CALN1: variants seen among roughly 807,000 people sequenced by gnomAD.
CALN1 encodes the protein calneuron 1.
CALN1 carries 17 observed loss-of-function variants against 30.6 expected under a neutral mutation model. The ratio of observed to expected loss-of-function variants is 0.56; its 90% confidence interval spans 0.38 to 0.83. CALN1 has a LOEUF of 0.83. Among genes scored for constraint, CALN1 ranks in the 40% least tolerant of loss-of-function variants. The pLI is 0.00. For missense variants in CALN1, 291 were observed against 354.9 expected, an observed-to-expected ratio of 0.82 and a Z score of 1.45; for synonymous variants, 156 against 131.4, an observed-to-expected ratio of 1.19 and a Z score of -1.28.
chr7:72,087,939 GA>G (rs1434075778), intron 4 of CALN1, among the ~76,000 whole-genome samples: 2 of 152,136 alleles, frequency 1.3e-5, no homozygotes, highest in Non-Finnish European at 2.9e-5. Context: ...GAGACAGGAG[GA>G]TCACTTGAAA....
At chr7:72,221,978 C>A (rs1287693573) in intron 3 of CALN1, among the ~76,000 whole-genome samples, 1 of 151,774 alleles carries the variant, frequency 6.6e-6, no homozygotes, top group East Asian at 1.9e-4. Context: ...GTAATCCCAG[C>A]ACTTTGGGAG....
intron 5 of CALN1, among the ~76,000 whole-genome samples, chr7:71,840,915 G>A (rs1789902512): frequency 6.6e-6 from 1 of 151,638 alleles, no homozygotes; most frequent in Non-Finnish European, 1.5e-5. Flanking sequence ...ATGTGGGTGT[G>A]TGTTTTAAGA....
intron 4 of CALN1, among the ~76,000 whole-genome samples, chr7:72,081,417 G>GTGTGTGTGTGTGTGTGTGTGTGTGTC (rs145997789): frequency 0.15 from 22,180 of 146,092 alleles, 2,224 homozygotes; most frequent in East Asian, 0.54. Context: ...GTGTGTGTGT[G>GTGTGTGTGTGTGTGTGTGTGTGTGTC]TGTGTGTTTG....
chr7:71,803,568 G>C (rs1366301370), intron 6 of CALN1, among the ~76,000 whole-genome samples: 1 of 152,024 alleles, frequency 6.6e-6, no homozygotes, highest in Non-Finnish European at 1.5e-5. Context: ...TCTGCCTCCC[G>C]GGTTCAAGTG....
chr7:72,355,356 T>C (rs1803163500), intron 2 of CALN1, among the ~76,000 whole-genome samples: 1 of 151,242 alleles, frequency 6.6e-6, no homozygotes, highest in South Asian at 2.1e-4. Context: ...TGAAAACCCA[T>C]CTCTACTAAA....
intron 3 of CALN1, among the ~76,000 whole-genome samples, chr7:72,136,285 T>C (rs189063512): frequency 1.3e-5 from 2 of 152,300 alleles, no homozygotes; most frequent in African/African-American, 4.8e-5. Flanking sequence ...TGAGCACTTG[T>C]TGCTTCACCT....
At chr7:72,021,853 T>C (rs1800727300) in intron 5 of CALN1, among the ~76,000 whole-genome samples, 1 of 152,184 alleles carries the variant, frequency 6.6e-6, no homozygotes, top group South Asian at 2.1e-4. Flanking sequence ...ACCCTCACCT[T>C]CTACTCAGCA....
intron 3 of CALN1, among the ~76,000 whole-genome samples, chr7:72,118,377 G>A (rs1246957173): frequency 6.6e-6 from 1 of 152,158 alleles, no homozygotes; most frequent in East Asian, 1.9e-4. Flanking sequence ...AACTTTATGA[G>A]GTGGTGAAAT....
chr7:72,350,270 AATCCACTGGGTAT>A (rs1261529219), intron 2 of CALN1, among the ~76,000 whole-genome samples: 4 of 152,188 alleles, frequency 2.6e-5, no homozygotes, highest in African/African-American at 9.6e-5. Context: ...TTCACCCAGC[AATCCACTGGGTAT>A]ATACCCAAAG....
intron 5 of CALN1, among the ~76,000 whole-genome samples, chr7:71,989,440 TA>T (rs5884868): frequency 0.24 from 32,176 of 134,756 alleles, 5,714 homozygotes; most frequent in East Asian, 0.59. Context: ...TTCCATCTAT[TA>T]AAAAAAAAAA....
intron 3 of CALN1, among the ~76,000 whole-genome samples, chr7:72,187,679 G>A (rs945229395): frequency 1.1e-4 from 16 of 152,104 alleles, no homozygotes; most frequent in African/African-American, 3.9e-4. Context: ...GGAGACTGCT[G>A]GTCTAGGTGA....
At chr7:71,971,991 AAGAG>A (rs796462519) in intron 5 of CALN1, among the ~76,000 whole-genome samples, 1 of 129,016 alleles carries the variant, frequency 7.8e-6, no homozygotes, top group Non-Finnish European at 1.6e-5. Flanking sequence ...GAAAGAAAGA[AAGAG>A]AAAGAAAGAA....
intron 1 of CALN1, among the ~76,000 whole-genome samples, chr7:72,406,063 T>C (rs1019415013): frequency 1.3e-5 from 2 of 152,192 alleles, no homozygotes; most frequent in Non-Finnish European, 2.9e-5. Context: ...GCTGCTCAGC[T>C]GGCTCTGGTG....
chr7:72,046,709 T>TTAA (rs1304045966), intron 4 of CALN1, among the ~76,000 whole-genome samples: 1 of 51,844 alleles, frequency 1.9e-5, no homozygotes, highest in African/African-American at 6.7e-5. Flanking sequence ...GACTCCCTCT[T>TTAA]AAAAAAAAAA....
intron 5 of CALN1, among the ~76,000 whole-genome samples, chr7:71,855,637 G>T (rs1244934846): frequency 6.6e-6 from 1 of 152,112 alleles, no homozygotes; most frequent in Non-Finnish European, 1.5e-5. Context: ...GGGTGTTGTG[G>T]TCCCTCGTGG....
chr7:71,833,765 T>C (rs888199359), intron 5 of CALN1, among the ~76,000 whole-genome samples: 2 of 151,664 alleles, frequency 1.3e-5, no homozygotes, highest in African/African-American at 2.4e-5. Context: ...TAAAAAGAAT[T>C]AGCTGGGTTT....
intron 4 of CALN1, among the ~76,000 whole-genome samples, chr7:72,058,305 G>A (rs711297): frequency 0.25 from 34,881 of 140,172 alleles, 4,819 homozygotes; most frequent in Middle Eastern, 0.33. Flanking sequence ...GCAACAAGCT[G>A]GAATCTTTTT....
At chr7:72,027,548 T>C (rs1363439620) in intron 4 of CALN1, among the ~76,000 whole-genome samples, 1 of 151,342 alleles carries the variant, frequency 6.6e-6, no homozygotes, top group Non-Finnish European at 1.5e-5. Flanking sequence ...CCATCTCTAC[T>C]AAAAATACAA....
chr7:72,267,026 T>C (rs1237457058), intron 3 of CALN1, among the ~76,000 whole-genome samples: 1 of 152,216 alleles, frequency 6.6e-6, no homozygotes, highest in Non-Finnish European at 1.5e-5. Context: ...ATGATGTGGC[T>C]CATTCATTGC....
Sources: gnomAD v4.1 joint callset for allele counts (sites outside exome capture counted in the v4.1 genomes callset) on GRCh38, gnomAD v4.1.1 for gene constraint, MANE v1.5 for transcripts, NCBI Gene and HGNC (gene_info 2026-07-23, HGNC 2026-07-21) for gene names.